Variants in MGAT4C observed in about 807,000 individuals in gnomAD.
MGAT4C encodes alpha-1,3-mannosyl-glycoprotein 4-beta-N-acetylglucosaminyltransferase C.
In MGAT4C, 19 loss-of-function variants were observed where a neutral mutation model predicts 40.1. That is an observed-to-expected ratio of 0.47 (90% CI 0.33 to 0.70). The LOEUF is 0.70. Ranked by LOEUF, MGAT4C falls within the 30% of genes least tolerant of loss-of-function variation. MGAT4C has a pLI of 0.02. For synonymous variants in MGAT4C, 181 were observed against 187.1 expected, an observed-to-expected ratio of 0.97 and a Z score of 0.27; for missense variants, 491 against 563.2, an observed-to-expected ratio of 0.87 and a Z score of 1.30.
At chr12:86,346,390 A>G (rs1462273651) in intron 3 of MGAT4C, among the ~76,000 whole-genome samples, 1 of 151,916 alleles carries the variant, frequency 6.6e-6, no homozygotes, top group East Asian at 1.9e-4. Context: ...ATGCCCGACT[A>G]ATTTTTGTAT....
chr12:86,229,573 T>C (rs1951232567), intron 1 of MGAT4C, among the ~76,000 whole-genome samples: 2 of 152,036 alleles, frequency 1.3e-5, no homozygotes, highest in African/African-American at 2.4e-5. Flanking sequence ...ATTCATTCAG[T>C]ATAAGCCATG....
At chr12:86,734,506 A>G (rs1333079865) in intron 1 of MGAT4C, among the ~76,000 whole-genome samples, 2 of 152,018 alleles carry the variant, frequency 1.3e-5, no homozygotes, top group Non-Finnish European at 2.9e-5. Context: ...CTCAGCCCCA[A>G]TGTAATGGCA....
At chr12:86,262,752 T>A (rs940748026) in intron 4 of MGAT4C, among the ~76,000 whole-genome samples, 3 of 152,080 alleles carry the variant, frequency 2.0e-5, no homozygotes, top group African/African-American at 7.2e-5. Flanking sequence ...ATTTTAAACA[T>A]CACTTGTATT....
chr12:86,097,962 G>A (rs912341688), intron 1 of MGAT4C, among the ~76,000 whole-genome samples: 1 of 151,566 alleles, frequency 6.6e-6, no homozygotes, highest in African/African-American at 2.4e-5. Flanking sequence ...ATAGAGGGTA[G>A]CAACCTGTCA....
At chr12:86,519,426 T>A (rs527271842) in intron 2 of MGAT4C, among the ~76,000 whole-genome samples, 176 of 152,278 alleles carry the variant, frequency 1.2e-3, no homozygotes, top group African/African-American at 4.2e-3. Context: ...TACCCAGTAG[T>A]GAGATTGCTG....
chr12:86,342,202 T>C (rs1450056869), intron 3 of MGAT4C, among the ~76,000 whole-genome samples: 1 of 152,106 alleles, frequency 6.6e-6, no homozygotes, highest in Non-Finnish European at 1.5e-5. Context: ...TGGTGATGCC[T>C]CCAGGTTCTG....
intron 2 of MGAT4C, among the ~76,000 whole-genome samples, chr12:86,442,346 G>A (rs931148388): frequency 3.3e-5 from 5 of 152,024 alleles, no homozygotes; most frequent in African/African-American, 9.7e-5. Context: ...CTCTTTAGTT[G>A]AATTAGATCC....
At chr12:86,384,105 C>G (rs528940474) in intron 3 of MGAT4C, among the ~76,000 whole-genome samples, 40 of 152,300 alleles carry the variant, frequency 2.6e-4, no homozygotes, top group African/African-American at 8.4e-4. Flanking sequence ...TGAGACGTGT[C>G]TTTTACCTTC....
At chr12:86,690,677 G>A (rs1296801080) in intron 2 of MGAT4C, among the ~76,000 whole-genome samples, 2 of 152,064 alleles carry the variant, frequency 1.3e-5, no homozygotes, top group East Asian at 3.9e-4. Context: ...ACCTTAGTTG[G>A]AAATGCAGAA....
chr12:86,384,054 A>G (rs564409682), intron 3 of MGAT4C, among the ~76,000 whole-genome samples: 1 of 152,228 alleles, frequency 6.6e-6, no homozygotes, highest in South Asian at 2.1e-4. Context: ...TTAAAAACAG[A>G]AGTCTCCCTC....
intron 1 of MGAT4C, among the ~76,000 whole-genome samples, chr12:86,224,554 TA>T (rs1429743989): frequency 1.3e-5 from 2 of 152,186 alleles, no homozygotes; most frequent in African/African-American, 2.4e-5. Context: ...TGTTACACCA[TA>T]AAACAAGTCT....
intron 4 of MGAT4C, among the ~76,000 whole-genome samples, chr12:86,309,174 A>C (rs141157951): frequency 6.6e-6 from 1 of 150,568 alleles, no homozygotes; most frequent in African/African-American, 2.5e-5. Context: ...AAATCAAATA[A>C]GTATTTTGGC....
chr12:86,753,074 C>G (rs1319735990), intron 1 of MGAT4C, among the ~76,000 whole-genome samples: 1 of 152,080 alleles, frequency 6.6e-6, no homozygotes, highest in Admixed American at 6.6e-5. Flanking sequence ...TGTTAAAATT[C>G]GTGACCTATA....
chr12:86,448,910 C>T (rs1957380994), intron 2 of MGAT4C, among the ~76,000 whole-genome samples: 1 of 152,082 alleles, frequency 6.6e-6, no homozygotes, highest in Non-Finnish European at 1.5e-5. Context: ...GAATTGGAAC[C>T]TTCTATTTTA....
At chr12:86,152,034 C>T (rs141663989) in intron 1 of MGAT4C, among the ~76,000 whole-genome samples, 9 of 152,326 alleles carry the variant, frequency 5.9e-5, no homozygotes, top group Middle Eastern at 3.4e-3. Context: ...GTTGGTACAA[C>T]GACTTGTTGC....
At chr12:86,166,724 A>C (rs1387170821) in intron 1 of MGAT4C, among the ~76,000 whole-genome samples, 6 of 152,206 alleles carry the variant, frequency 3.9e-5, no homozygotes, top group African/African-American at 1.4e-4. Context: ...ATATGGTGTA[A>C]CAATACGTGA....
chr12:86,164,765 G>T (rs1479688353), intron 1 of MGAT4C, among the ~76,000 whole-genome samples: 1 of 152,176 alleles, frequency 6.6e-6, no homozygotes, highest in East Asian at 1.9e-4. Context: ...GTTGCAGAGT[G>T]TGAGGGTGAG....
At chr12:86,674,498 C>T (rs977054800) in intron 2 of MGAT4C, among the ~76,000 whole-genome samples, 4 of 152,024 alleles carry the variant, frequency 2.6e-5, no homozygotes, top group Non-Finnish European at 5.9e-5. Context: ...GAGTTCGAGA[C>T]CTGCCTGGCC....
intron 3 of MGAT4C, among the ~76,000 whole-genome samples, chr12:86,340,651 C>A (rs142817302): frequency 6.6e-6 from 1 of 152,114 alleles, no homozygotes; most frequent in East Asian, 1.9e-4. Context: ...ACAGAAGACA[C>A]AAATTTTAAG....
Sources: gnomAD v4.1 joint callset for allele counts (sites outside exome capture counted in the v4.1 genomes callset) on GRCh38, gnomAD v4.1.1 for gene constraint, MANE v1.5 for transcripts, NCBI Gene and HGNC (gene_info 2026-07-23, HGNC 2026-07-21) for gene names.